The following ITGA8 variants were observed in gnomAD, a reference collection of about 807,000 sequenced individuals.
ITGA8 encodes the protein integrin subunit alpha 8, also known as integrin alpha-8.
Under a neutral mutation model 142.3 loss-of-function variants are expected in ITGA8, and 91 were observed. The ratio of observed to expected loss-of-function variants is 0.64; its 90% CI spans 0.54 to 0.76. The LOEUF is 0.76. ITGA8 is among the 30% of genes least tolerant of loss of function. ITGA8 has a pLI of 0.00. For synonymous variants in ITGA8, 505 were observed against 485.2 expected, an observed-to-expected ratio of 1.04 and a Z score of -0.54; for missense variants, 1,406 against 1,327.7, an observed-to-expected ratio of 1.06 and a Z score of -0.92.
chr10:15,553,997 G>A (rs7899839), intron 26 of ITGA8, among the ~76,000 whole-genome samples: 47,250 of 147,676 alleles, frequency 0.32, 7,465 homozygotes, highest in Non-Finnish European at 0.33. Context: ...CTTGTCTCAA[G>A]AAAAAAAAAA....
intron 25 of ITGA8, among the ~76,000 whole-genome samples, chr10:15,564,090 C>T (rs1490968610): frequency 6.6e-6 from 1 of 152,154 alleles, no homozygotes; most frequent in Non-Finnish European, 1.5e-5. Flanking sequence ...CTTTGAGCTA[C>T]AGAATGACAG....
chr10:15,611,802 T>TAA (rs35344683), intron 15 of ITGA8, among the ~76,000 whole-genome samples: 39 of 148,420 alleles, frequency 2.6e-4, no homozygotes, highest in African/African-American at 9.9e-4. Context: ...TTAATCTGGT[T>TAA]AAAAAAAAAA....
intron 26 of ITGA8, 65 bp from the exon 27 acceptor site, chr10:15,548,633 AG>A: frequency 1.0e-6 from 1 of 969,352 alleles, no homozygotes; most frequent in East Asian, 2.6e-5. Context: ...CACTGAAGTT[AG>A]CTTATTTACA....
At chr10:15,679,916 C>G (rs1195765352) in intron 4 of ITGA8, among the ~76,000 whole-genome samples, 2 of 152,046 alleles carry the variant, frequency 1.3e-5, no homozygotes, top group African/African-American at 4.8e-5. Flanking sequence ...CCTAAAATAG[C>G]CAAAATGTAG....
intron 20 of ITGA8, among the ~76,000 whole-genome samples, chr10:15,602,470 G>A (rs45513599): frequency 6.6e-6 from 1 of 152,126 alleles, no homozygotes; most frequent in African/African-American, 2.4e-5. Flanking sequence ...GGCAAGGATG[G>A]CTCGTGCCTA....
At chr10:15,637,710 G>T (rs1833797242) in intron 13 of ITGA8, among the ~76,000 whole-genome samples, 1 of 151,776 alleles carries the variant, frequency 6.6e-6, no homozygotes, top group Admixed American at 6.6e-5. Context: ...AAAGAGGTTT[G>T]CACATTTCCT....
chr10:15,520,712 C>A (rs2131531277), intron 28 of ITGA8, among the ~76,000 whole-genome samples: 1 of 152,372 alleles, frequency 6.6e-6, no homozygotes. Context: ...TTCTTGGATG[C>A]AGACATTATT....
Position 15,608,290 on chromosome 10 carries a change from G to A in ITGA8, c.1554C>T (p.Cys518=), listed in dbSNP as rs1833233868. The A allele has an allele frequency of 6.3e-7, 1 of 1,583,862 alleles. No homozygotes were observed. The highest frequency in any genetic ancestry group is 2.2e-5 in the East Asian group (1 of 44,448). ...QVPDSMTSAA[C]FSLRVCASVT... is the part of the protein sequence containing the mutation. Reference sequence around the variant, plus strand: ...CAGATGCACATACTCTTAAAGAAAAGCTATAGAAAATAGTAGTAATTTATT... The same window carrying A: ...CAGATGCACATACTCTTAAAGAAAAACTATAGAAAATAGTAGTAATTTATT... Residue 518 remains cysteine, a splice_region_variant and synonymous_variant, in exon 16 of 30, where the codon TGC becomes TGT. Coordinates refer to ENST00000378076, the MANE Select transcript of ITGA8 (RefSeq NM_003638.3).
chr10:15,618,623 C>G (rs982471478), intron 13 of ITGA8, among the ~76,000 whole-genome samples: 1 of 152,136 alleles, frequency 6.6e-6, no homozygotes, highest in Admixed American at 6.5e-5. Flanking sequence ...ATCTGGTGGG[C>G]ACCATCTGAT....
chr10:15,696,145 C>T (rs1835048067), intron 2 of ITGA8, among the ~76,000 whole-genome samples: 1 of 152,194 alleles, frequency 6.6e-6, no homozygotes, highest in African/African-American at 2.4e-5. Flanking sequence ...TCGGGTTACC[C>T]CGGGAGGACT....
chr10:15,646,059 A>G (rs1203650926), intron 12 of ITGA8, among the ~76,000 whole-genome samples: 1 of 152,208 alleles, frequency 6.6e-6, no homozygotes, highest in Non-Finnish European at 1.5e-5. Context: ...GTCTTGACAT[A>G]TAGAAGGTTT....
chr10:15,692,248 C>G (rs528322550), intron 2 of ITGA8, among the ~76,000 whole-genome samples: 1 of 151,362 alleles, frequency 6.6e-6, no homozygotes, highest in African/African-American at 2.4e-5. Context: ...CAGTTTTTGT[C>G]AATTAAAAAA....
At chr10:15,597,622 C>A (rs928513906) in intron 20 of ITGA8, among the ~76,000 whole-genome samples, 4 of 152,108 alleles carry the variant, frequency 2.6e-5, no homozygotes, top group African/African-American at 9.7e-5. Flanking sequence ...ATGAAAATCA[C>A]AAATTATTAA....
intron 19 of ITGA8, among the ~76,000 whole-genome samples, chr10:15,604,578 CAAAAAAAAAAAA>C (rs35672275): frequency 3.5e-5 from 3 of 86,366 alleles, no homozygotes; most frequent in Admixed American, 1.3e-4. Flanking sequence ...AACCAGTTCT[CAAAAAAAAAAAA>C]AAAAAAAAAA....
intron 13 of ITGA8, among the ~76,000 whole-genome samples, chr10:15,636,940 T>C (rs1181258191): frequency 6.6e-6 from 1 of 152,100 alleles, no homozygotes; most frequent in Non-Finnish European, 1.5e-5. Flanking sequence ...AGGTCAGCAG[T>C]TCGAGACCAG....
At position 15,684,701 on chromosome 10, in the gene ITGA8, C is replaced by T. The variant is rs532976900; in HGVS notation, c.445-574G>A. On this transcript the variant is annotated intron_variant, in intron 3 of 29. Coordinates refer to ENST00000378076, the MANE Select transcript of ITGA8 (RefSeq NM_003638.3). The stretch of plus-strand genomic sequence containing the variant: ...ATAGAAATTAAATTTTTTTTTTTTG[C>T]CCGAAGAAGCAAGCAGAAATTAATT... Among the ~76,000 whole-genome samples, 277 of 150,292 alleles carry T rather than the reference C, an allele frequency of 1.8e-3. 2 individuals are homozygous for T. Among genetic ancestry groups the T allele is most frequent in the Non-Finnish European group, 3.2e-3 (213 of 67,590 alleles).
chr10:15,643,995 T>G (rs765363754), intron 13 of ITGA8, 35 bp downstream of exon 13: 2 of 1,583,636 alleles, frequency 1.3e-6, no homozygotes, highest in South Asian at 1.1e-5. Context: ...TTTCAGGACG[T>G]AGACTCTCAC....
intron 22 of ITGA8, among the ~76,000 whole-genome samples, chr10:15,587,427 C>T (rs1034292560): frequency 1.3e-5 from 2 of 152,118 alleles, no homozygotes; most frequent in East Asian, 1.9e-4. Context: ...AATACATAAT[C>T]GAAACAGCAT....
At chr10:15,646,774 TA>T in intron 12 of ITGA8, 71 bp downstream of exon 12, 1 of 1,159,756 alleles carries the variant, frequency 8.6e-7, no homozygotes, top group Non-Finnish European at 1.3e-6. Context: ...CTGAATACTT[TA>T]AAACAGGCAT....
Sources: gnomAD v4.1 joint callset for allele counts (sites outside exome capture counted in the v4.1 genomes callset) on GRCh38, gnomAD v4.1.1 for gene constraint, MANE v1.5 for transcripts, NCBI Gene and HGNC (gene_info 2026-07-23, HGNC 2026-07-21) for gene names.